Variants in CNTN5 observed in about 807,000 individuals in gnomAD.
The protein encoded by CNTN5 is contactin 5.
CNTN5 carries 77 observed loss-of-function variants against 129.1 expected under a neutral mutation model. The ratio of observed to expected loss-of-function variants is 0.60; its 90% CI spans 0.50 to 0.72. The LOEUF is 0.72. Among genes scored for constraint, CNTN5 ranks in the 30% least tolerant of loss-of-function variants. The pLI is 0.00. For synonymous variants in CNTN5, 509 were observed against 465.6 expected (o/e 1.09, Z -1.20); for missense variants, 1,478 against 1,328.8 (o/e 1.11, Z -1.75).
intron 2 of CNTN5, among the ~76,000 whole-genome samples, chr11:99,373,103 G>C (rs1408350373): frequency 6.6e-6 from 1 of 152,158 alleles, no homozygotes; most frequent in African/African-American, 2.4e-5. Context: ...CAGCTACTCA[G>C]GAGGGTGAGG....
intron 3 of CNTN5, among the ~76,000 whole-genome samples, chr11:99,764,952 T>C (rs1005489053): frequency 6.6e-6 from 1 of 152,102 alleles, no homozygotes; most frequent in Non-Finnish European, 1.5e-5. Flanking sequence ...TATCACATCA[T>C]AAATAAATTT....
intron 15 of CNTN5, among the ~76,000 whole-genome samples, chr11:100,211,934 G>GAC (rs1454097835): frequency 6.6e-6 from 1 of 152,082 alleles, no homozygotes; most frequent in African/African-American, 2.4e-5. Context: ...AGCACATATA[G>GAC]ACACACACTT....
chr11:99,963,704 A>G (rs950604315), intron 8 of CNTN5, among the ~76,000 whole-genome samples: 4 of 152,174 alleles, frequency 2.6e-5, no homozygotes, highest in African/African-American at 7.2e-5. Context: ...GAAAGTAATT[A>G]GTAGCTTGAT....
chr11:99,628,695 C>CGTAA (rs201761785), intron 3 of CNTN5, among the ~76,000 whole-genome samples: 4 of 86,686 alleles, frequency 4.6e-5, no homozygotes, highest in Non-Finnish European at 1.2e-4. Context: ...TATAACAGCT[C>CGTAA]ATAAATCTTA....
At chr11:99,831,579 G>A (rs963718121) in intron 4 of CNTN5, among the ~76,000 whole-genome samples, 6 of 151,914 alleles carry the variant, frequency 3.9e-5, no homozygotes, top group Admixed American at 1.3e-4. Context: ...AAGCTATAGC[G>A]GATCCAACTG....
chr11:99,287,457 A>G (rs963210156), intron 1 of CNTN5, among the ~76,000 whole-genome samples: 1 of 152,066 alleles, frequency 6.6e-6, no homozygotes, highest in Non-Finnish European at 1.5e-5. Context: ...CTTCTCTCTC[A>G]TTATTCACAA....
intron 3 of CNTN5, among the ~76,000 whole-genome samples, chr11:99,787,301 T>C: frequency 6.6e-6 from 1 of 151,694 alleles, no homozygotes; most frequent in East Asian, 1.9e-4. Context: ...ACAGTATTTT[T>C]AAATTATCAT....
intron 18 of CNTN5, among the ~76,000 whole-genome samples, chr11:100,284,317 T>C (rs1483701288): frequency 6.6e-6 from 1 of 152,250 alleles, no homozygotes; most frequent in Non-Finnish European, 1.5e-5. Flanking sequence ...CCTTCTATTC[T>C]GCCATCTTGC....
intron 6 of CNTN5, among the ~76,000 whole-genome samples, chr11:99,899,916 T>A (rs2135944617): frequency 6.6e-6 from 1 of 152,204 alleles, no homozygotes; most frequent in South Asian, 2.1e-4. Flanking sequence ...TCATTACTCA[T>A]TGTTGGTCTA....
chr11:99,488,089 T>G (rs1235115570), intron 2 of CNTN5, among the ~76,000 whole-genome samples: 3 of 152,134 alleles, frequency 2.0e-5, no homozygotes, highest in African/African-American at 4.8e-5. Context: ...AGATTATTTC[T>G]TATTTATTTA....
intron 3 of CNTN5, among the ~76,000 whole-genome samples, chr11:99,787,098 T>TG (rs1945556317): frequency 1.3e-5 from 2 of 151,076 alleles, no homozygotes; most frequent in African/African-American, 4.8e-5. Context: ...ATGTTTTTTT[T>TG]TTGTTTTTTA....
At chr11:100,138,144 G>A (rs1161545438) in intron 13 of CNTN5, among the ~76,000 whole-genome samples, 1 of 151,900 alleles carries the variant, frequency 6.6e-6, no homozygotes, top group Non-Finnish European at 1.5e-5. Context: ...TAAAATAAGG[G>A]AGATGAGAAA....
In CNTN5 at chr11:99,040,391, G is replaced by A. The variant is rs185535183; in HGVS notation, c.-210+19121G>A. On this transcript the variant is annotated intron_variant, in intron 1 of 24. Transcript: ENST00000524871. ...TTCACCATAAAATTTAGTATATGTA[G>A]TAAATACATTTTATAAGATATGAGA... Among the ~76,000 whole-genome samples the A allele has an allele frequency of 6.6e-5, 10 of 152,094 alleles. No homozygotes were observed. The East Asian group carries it at 1.5e-3, about 23-fold the overall frequency.
At chr11:99,201,383 T>TTCCTTCCTTCCTTCCTTCCTTCCTCCC (rs1859192868) in intron 1 of CNTN5, among the ~76,000 whole-genome samples, 2 of 26,052 alleles carry the variant, frequency 7.7e-5, no homozygotes, top group African/African-American at 3.9e-4. Flanking sequence ...TCCTTCCTTC[T>TTCCTTCCTTCCTTCCTTCCTTCCTCCC]TTCCTTCCTT....
chr11:99,340,602 G>A (rs959879023), intron 2 of CNTN5, among the ~76,000 whole-genome samples: 3 of 152,168 alleles, frequency 2.0e-5, no homozygotes, highest in African/African-American at 4.8e-5. Flanking sequence ...TGGTGTTACT[G>A]TTACTTGCTA....
chr11:100,235,559 C>G (rs1347996940), intron 16 of CNTN5, among the ~76,000 whole-genome samples: 2 of 152,082 alleles, frequency 1.3e-5, no homozygotes, highest in Non-Finnish European at 2.9e-5. Context: ...AACTAAGGCC[C>G]ATAATGTTAA....
At chr11:99,394,001 A>G (rs979994193) in intron 2 of CNTN5, among the ~76,000 whole-genome samples, 2 of 151,674 alleles carry the variant, frequency 1.3e-5, no homozygotes, top group African/African-American at 4.8e-5. Flanking sequence ...TCTCATTTCT[A>G]TTTCTTTCTT....
chr11:99,550,362 T>C (rs1449081033), intron 2 of CNTN5, among the ~76,000 whole-genome samples: 2 of 152,172 alleles, frequency 1.3e-5, no homozygotes, highest in Non-Finnish European at 2.9e-5. Context: ...CCACATTTTG[T>C]TATCTATTTT....
intron 1 of CNTN5, among the ~76,000 whole-genome samples, chr11:99,304,256 T>C (rs759631924): frequency 6.6e-6 from 1 of 152,172 alleles, no homozygotes; most frequent in Non-Finnish European, 1.5e-5. Context: ...ATAAATGGAC[T>C]GATCTTTCCA....
Sources: allele counts gnomAD v4.1 joint callset (sites outside exome capture counted in the v4.1 genomes callset), GRCh38; gene constraint gnomAD v4.1.1; transcripts MANE v1.5; gene names NCBI Gene and HGNC (gene_info 2026-07-23, HGNC 2026-07-21).